Variants in UBE3D observed in about 807,000 individuals in gnomAD.
UBE3D encodes the protein ubiquitin protein ligase E3D.
In UBE3D, 48 loss-of-function variants were observed where a neutral mutation model predicts 49.6. That is an observed-to-expected ratio of 0.97 (90% confidence interval 0.77 to 1.23). The LOEUF is 1.23. UBE3D is among the 50% of genes most tolerant of loss of function. The pLI, the probability that UBE3D is intolerant of heterozygous loss-of-function variation, is 0.00. For missense variants in UBE3D, 452 were observed against 468.4 expected (o/e 0.96, Z 0.32); for synonymous variants, 189 against 174.2 (o/e 1.08, Z -0.67).
At chr6:82,943,799 A>G (rs958043572) in intron 9 of UBE3D, among the ~76,000 whole-genome samples, 1 of 151,928 alleles carries the variant, frequency 6.6e-6, no homozygotes, top group Non-Finnish European at 1.5e-5. Context: ...AGCTCAGAGA[A>G]ATCTGTGCTC....
intron 8 of UBE3D, chr6:83,017,474 A>T (rs1004451971): frequency 6.6e-6 from 1 of 152,174 alleles, no homozygotes; most frequent in African/African-American, 2.4e-5. Context: ...CACACAAAAA[A>T]AAACCCAAGC....
intron 8 of UBE3D, among the ~76,000 whole-genome samples, chr6:82,979,388 T>C (rs947360662): frequency 6.6e-6 from 1 of 152,162 alleles, no homozygotes; most frequent in Non-Finnish European, 1.5e-5. Context: ...AGAGAAATTT[T>C]GCTCCTCTGC....
Position 83,064,466 on chromosome 6 carries a change from T to A in UBE3D, c.77+1176A>T, listed in dbSNP as rs180783596. On this transcript the variant is annotated intron_variant, in intron 1 of 9. Transcript: ENST00000369747. ...TGGTCTTGATCTCTTGACCTCGTGA[T>A]CCGCCCGCCTCAGCCTCCCAATGTG... Among the ~76,000 whole-genome samples, 812 of 152,188 alleles carry A rather than the reference T, an allele frequency of 5.3e-3. 10 individuals are homozygous for A. The highest frequency in any genetic ancestry group is 0.019 in the African/African-American group (777 of 41,524).
chr6:82,999,329 ATCAGTCATACCT>A (rs1779458395), intron 8 of UBE3D, among the ~76,000 whole-genome samples: 1 of 152,090 alleles, frequency 6.6e-6, no homozygotes, highest in Admixed American at 6.6e-5. Context: ...ATCCTGCCTC[ATCAGTCATACCT>A]TCTTTCTCAT....
At chr6:82,961,698 G>C (rs1429085674) in intron 8 of UBE3D, among the ~76,000 whole-genome samples, 1 of 152,188 alleles carries the variant, frequency 6.6e-6, no homozygotes, top group Non-Finnish European at 1.5e-5. Flanking sequence ...AAATATAGTT[G>C]AGTATTTTGA....
intron 8 of UBE3D, chr6:83,018,351 C>T (rs1339797051): frequency 1.3e-5 from 2 of 152,178 alleles, no homozygotes; most frequent in African/African-American, 4.8e-5. Flanking sequence ...AAGAATCTTC[C>T]CTGACTTTGC....
intron 9 of UBE3D, among the ~76,000 whole-genome samples, chr6:82,944,214 A>T (rs1394642993): frequency 6.6e-6 from 1 of 152,176 alleles, no homozygotes; most frequent in Non-Finnish European, 1.5e-5. Flanking sequence ...CTTTCACTTG[A>T]AGAGAGGAGA....
At chr6:82,945,296 A>C (rs1435871036) in intron 9 of UBE3D, among the ~76,000 whole-genome samples, 2 of 152,222 alleles carry the variant, frequency 1.3e-5, no homozygotes, top group Non-Finnish European at 2.9e-5. Context: ...AGAGAAAAAG[A>C]GGGAGAAAGA....
chr6:83,062,104 T>C (rs1159689243), intron 1 of UBE3D, among the ~76,000 whole-genome samples: 1 of 152,224 alleles, frequency 6.6e-6, no homozygotes, highest in East Asian at 1.9e-4. Context: ...CTCTGCCGCC[T>C]CTTCTCTACT....
intron 4 of UBE3D, among the ~76,000 whole-genome samples, chr6:83,042,806 AC>A (rs1379859754): frequency 1.3e-5 from 2 of 152,224 alleles, no homozygotes; most frequent in Admixed American, 6.5e-5. Context: ...AGATGGCTAG[AC>A]TGGGTGATAG....
chr6:82,948,258 C>G, intron 9 of UBE3D, among the ~76,000 whole-genome samples: 1 of 151,616 alleles, frequency 6.6e-6, no homozygotes, highest in East Asian at 1.9e-4. Flanking sequence ...CAGCTATATG[C>G]CAATAAATAG....
chr6:82,969,655 G>A (rs1777206412), intron 8 of UBE3D, among the ~76,000 whole-genome samples: 1 of 151,758 alleles, frequency 6.6e-6, no homozygotes. Context: ...AAGACAAAGA[G>A]CTACAGAAAT....
At chr6:82,940,112 AAATTTC>A (rs1478239242) in intron 9 of UBE3D, among the ~76,000 whole-genome samples, 1 of 152,172 alleles carries the variant, frequency 6.6e-6, no homozygotes, top group Non-Finnish European at 1.5e-5. Context: ...GGATCTGACT[AAATTTC>A]TGGTTAACCT....
intron 9 of UBE3D, among the ~76,000 whole-genome samples, chr6:82,900,741 G>C (rs1036861657): frequency 6.6e-6 from 1 of 152,168 alleles, no homozygotes; most frequent in African/African-American, 2.4e-5. Context: ...AGGGCTGCTT[G>C]TGCATGAGGG....
At chr6:82,978,358 CA>C (rs1348970062) in intron 8 of UBE3D, among the ~76,000 whole-genome samples, 1 of 152,104 alleles carries the variant, frequency 6.6e-6, no homozygotes, top group Admixed American at 6.5e-5. Context: ...AGAGAGACCC[CA>C]AAGTTTCCTG....
chr6:83,046,740 C>T (rs1230869476), intron 3 of UBE3D, among the ~76,000 whole-genome samples: 2 of 149,910 alleles, frequency 1.3e-5, no homozygotes, highest in Admixed American at 6.7e-5. Flanking sequence ...AAAGTGTTAG[C>T]CTCTTTCCTC....
intron 9 of UBE3D, among the ~76,000 whole-genome samples, chr6:82,894,862 A>G (rs1415151359): frequency 1.3e-5 from 2 of 152,236 alleles, no homozygotes; most frequent in African/African-American, 4.8e-5. Flanking sequence ...TCACAACTGT[A>G]CAAAGAAGAC....
At chr6:83,048,479 C>G (rs1473733946) in intron 3 of UBE3D, among the ~76,000 whole-genome samples, 1 of 152,106 alleles carries the variant, frequency 6.6e-6, no homozygotes, top group African/African-American at 2.4e-5. Flanking sequence ...AATAAACAAA[C>G]CCTCAATACA....
chr6:82,934,206 C>T (rs1183145957), intron 9 of UBE3D, among the ~76,000 whole-genome samples: 1 of 152,196 alleles, frequency 6.6e-6, no homozygotes, highest in East Asian at 1.9e-4. Flanking sequence ...CTTGCTTCCC[C>T]TTCCACCATG....
Sources: gnomAD v4.1 joint callset for allele counts (sites outside exome capture counted in the v4.1 genomes callset) on GRCh38, gnomAD v4.1.1 for gene constraint, MANE v1.5 for transcripts, NCBI Gene and HGNC (gene_info 2026-07-23, HGNC 2026-07-21) for gene names.